Variants in RAB3IP observed in about 807,000 individuals in gnomAD.
RAB3IP encodes rab-3A-interacting protein.
In RAB3IP, 36 loss-of-function variants were observed where a neutral mutation model predicts 59.1. The ratio of observed to expected loss-of-function variants is 0.61; its 90% CI spans 0.47 to 0.80. The LOEUF (loss-of-function observed/expected upper bound fraction) is 0.80. Among genes scored for constraint, RAB3IP ranks in the 30% least tolerant of loss-of-function variants. RAB3IP has a pLI of 0.00. For synonymous variants in RAB3IP, 207 were observed against 191.2 expected (o/e 1.08, Z -0.68); for missense variants, 511 against 536.0 (o/e 0.95, Z 0.46).
chr12:69,754,452 A>T (rs1869864876), intron 1 of RAB3IP, among the ~76,000 whole-genome samples: 1 of 152,184 alleles, frequency 6.6e-6, no homozygotes, highest in Admixed American at 6.5e-5. Context: ...TAACAATTTC[A>T]TAATCTGGGT....
chr12:69,764,318 T>C, intron 3 of RAB3IP, among the ~76,000 whole-genome samples: 1 of 152,212 alleles, frequency 6.6e-6, no homozygotes, highest in East Asian at 1.9e-4. Flanking sequence ...TTTTTGTATA[T>C]GGTGAAGGGG....
chr12:69,775,360 A>T (rs1436055675), intron 3 of RAB3IP, among the ~76,000 whole-genome samples: 1 of 142,138 alleles, frequency 7.0e-6, no homozygotes, highest in Non-Finnish European at 1.5e-5. Flanking sequence ...ATCTGCAAAC[A>T]GGGACAATTT....
chr12:69,804,976 T>C (rs1201180044), intron 8 of RAB3IP, among the ~76,000 whole-genome samples: 21 of 152,294 alleles, frequency 1.4e-4, no homozygotes, highest in Middle Eastern at 3.4e-3. Context: ...CTTGGCAATG[T>C]AGGCTCTTTT....
chr12:69,750,493 A>G (rs1291701998), intron 1 of RAB3IP, among the ~76,000 whole-genome samples: 1 of 151,118 alleles, frequency 6.6e-6, no homozygotes, highest in Non-Finnish European at 1.5e-5. Context: ...AACAAGGCCC[A>G]CAGATTGTGT....
intron 8 of RAB3IP, among the ~76,000 whole-genome samples, chr12:69,804,177 T>C (rs1322744612): frequency 6.6e-6 from 1 of 152,228 alleles, no homozygotes; most frequent in Non-Finnish European, 1.5e-5. Flanking sequence ...CCTGACTGTT[T>C]AATGATCGCC....
At chr12:69,800,593 T>C (rs1451516482) in intron 7 of RAB3IP, among the ~76,000 whole-genome samples, 3 of 152,076 alleles carry the variant, frequency 2.0e-5, no homozygotes, top group Non-Finnish European at 4.4e-5. Flanking sequence ...TAAATAGGTA[T>C]GGGGGATAGG....
chr12:69,806,574 T>TTG (rs1879322183), intron 8 of RAB3IP, among the ~76,000 whole-genome samples: 2 of 146,454 alleles, frequency 1.4e-5, no homozygotes, highest in Admixed American at 1.3e-4. Context: ...TCTCTAGTTT[T>TTG]TTTTTTTTTT....
intron 8 of RAB3IP, among the ~76,000 whole-genome samples, chr12:69,810,727 T>C (rs1284296140): frequency 2.0e-5 from 3 of 152,132 alleles, no homozygotes; most frequent in African/African-American, 7.2e-5. Flanking sequence ...GTTAGAGATA[T>C]CTGACTGGAA....
intron 1 of RAB3IP, among the ~76,000 whole-genome samples, chr12:69,742,290 G>T (rs1373470397): frequency 6.6e-6 from 1 of 152,142 alleles, no homozygotes; most frequent in Non-Finnish European, 1.5e-5. Flanking sequence ...GTTCATCAAA[G>T]GATAGTAAAT....
chr12:69,790,363 A>G (rs1269885878), intron 4 of RAB3IP, among the ~76,000 whole-genome samples: 1 of 152,226 alleles, frequency 6.6e-6, no homozygotes, highest in Admixed American at 6.5e-5. Context: ...CAAAGAGGCA[A>G]AAAGACTTGT....
At position 69,813,051 on chromosome 12, in the gene RAB3IP, A is replaced by G. The variant is rs748924905; in HGVS notation, c.1300+18A>G. On this transcript the variant is annotated intron_variant, in intron 10 of 10. Transcript: ENST00000247833. ...GCAGGATGGTGAGTGTTCTTGATTC[A>G]ATATAAGTCTTTACATAAAAGTTCA... is the stretch of plus-strand genomic sequence containing the variant. 3 of 1,572,994 alleles carry G rather than the reference A, an allele frequency of 1.9e-6. No homozygotes were observed. Among genetic ancestry groups the G allele is most frequent in the Non-Finnish European group, 8.7e-7 (1 of 1,152,292 alleles).
chr12:69,750,354 G>A (rs1035412804), intron 1 of RAB3IP, among the ~76,000 whole-genome samples: 2 of 152,102 alleles, frequency 1.3e-5, no homozygotes, highest in Non-Finnish European at 2.9e-5. Context: ...AAATACTTCA[G>A]TGTGTATCTT....
chr12:69,812,171 A>C (rs1880554800), intron 8 of RAB3IP: 1 of 152,326 alleles, frequency 6.6e-6, no homozygotes, highest in African/African-American at 2.4e-5. Context: ...CCAGCCAGAA[A>C]GCCCTCATAT....
chr12:69,779,171 C>T (rs1352265433), intron 3 of RAB3IP: 44 of 140,626 alleles, frequency 3.1e-4, no homozygotes, highest in South Asian at 5.1e-4. Flanking sequence ...GGGAGTGACC[C>T]GATTTTCCAG....
intron 3 of RAB3IP, among the ~76,000 whole-genome samples, chr12:69,782,901 T>G (rs1874986662): frequency 2.6e-5 from 4 of 152,312 alleles, no homozygotes; most frequent in Admixed American, 2.6e-4. Flanking sequence ...CTTACAGGTT[T>G]ATGACTTTGT....
At position 69,792,847 on chromosome 12, in the gene RAB3IP, A is replaced by T. The variant is rs576688925; in HGVS notation, c.607-1590A>T. ...CTTCAAACATATTTTAAAAACAAAC[A>T]AAAAACTTTTCTAGCTTTTCTAATC... is the stretch of plus-strand genomic sequence containing the variant. On this transcript the variant is annotated intron_variant, in intron 4 of 10. Coordinates refer to ENST00000247833, the MANE Select transcript of RAB3IP (RefSeq NM_022456.5). Among the ~76,000 whole-genome samples the T allele has an allele frequency of 2.6e-5, 4 of 152,332 alleles. No individual in the cohort carries two copies. In the East Asian group the frequency reaches 7.7e-4, roughly 29 times the overall value.
intron 1 of RAB3IP, among the ~76,000 whole-genome samples, chr12:69,749,231 T>A (rs912657775): frequency 5.3e-5 from 8 of 152,174 alleles, no homozygotes; most frequent in African/African-American, 1.9e-4. Context: ...CATTAGATTC[T>A]CATAGGAGTG....
chr12:69,788,496 C>T (rs1480401587), intron 4 of RAB3IP, among the ~76,000 whole-genome samples: 2 of 152,058 alleles, frequency 1.3e-5, no homozygotes, highest in Non-Finnish European at 2.9e-5. Context: ...GTCCATTGTT[C>T]ACTGAAATGT....
In RAB3IP at chr12:69,816,449, AC is replaced by A. The variant is rs1334934696; in HGVS notation, c.*1004del. 5 of 152,166 alleles carry A rather than the reference AC, an allele frequency of 3.3e-5. No homozygotes were observed. Among genetic ancestry groups the A allele is most frequent in the African/African-American group, 1.2e-4 (5 of 41,482 alleles). The allele number at this position is 152,166 out of a possible 1,614,324, so 9.4% of individuals were successfully genotyped here. On this transcript the variant is annotated 3_prime_UTR_variant, in exon 11 of 11. Transcript: ENST00000247833. ...CTACTTACATATGCATATTTTTGAA[AC>A]AAAAAGTAGGCTTTTTTTTTGCTTT...
Sources: gnomAD v4.1 joint callset for allele counts (sites outside exome capture counted in the v4.1 genomes callset) on GRCh38, gnomAD v4.1.1 for gene constraint, MANE v1.5 for transcripts, NCBI Gene and HGNC (gene_info 2026-07-23, HGNC 2026-07-21) for gene names.